The following PLCE1 variants were observed in gnomAD, a reference collection of about 807,000 sequenced individuals.
The protein encoded by PLCE1 is 1-phosphatidylinositol 4,5-bisphosphate phosphodiesterase epsilon-1.
PLCE1 carries 119 observed loss-of-function variants against 242.8 expected under a neutral mutation model. The observed-to-expected ratio is 0.49, with a 90% CI of 0.42 to 0.57. The LOEUF (loss-of-function observed/expected upper bound fraction) is 0.57. Among genes scored for constraint, PLCE1 ranks in the 20% least tolerant of loss-of-function variants. The pLI, the probability that PLCE1 is intolerant of heterozygous loss-of-function variation, is 0.00. For synonymous variants in PLCE1, 945 were observed against 1,017.4 expected (o/e 0.93, Z 1.35); for missense variants, 2,441 against 2,788.8 (o/e 0.88, Z 2.81).
chr10:93,997,632 CTTTTTTTTTTTTTTT>C (rs34338995), intron 1 of PLCE1, among the ~76,000 whole-genome samples: 111 of 79,882 alleles, frequency 1.4e-3, no homozygotes, highest in Middle Eastern at 0.011. Context: ...AATAACCATC[CTTTTTTTTTTTTTTT>C]TTTTTTTTTT....
At position 94,031,631 on chromosome 10, in the gene PLCE1, A is replaced by C; in HGVS notation, c.585A>C (p.Arg195Ser). ...AVFHFHYEVD[R>S]RMSDTFCTLS... ...TTCATTTTCATTATGAAGTTGACAG[A>C]AGAATGTCAGACACTTTCTGTACCC... Residue 195 changes from arginine to serine, a missense_variant, in exon 2 of 33, where the codon AGA becomes AGC. By Grantham distance (110) the Arg-to-Ser change is moderately radical. Transcript: ENST00000371380. 6.2e-7 allele frequency: 1 copy of C among 1,613,730 alleles called. No homozygotes were observed. Among genetic ancestry groups the C allele is most frequent in the Non-Finnish European group, 8.5e-7 (1 of 1,179,844 alleles).
At chr10:94,180,513 G>C (rs1406286294) in intron 4 of PLCE1, among the ~76,000 whole-genome samples, 1 of 152,134 alleles carries the variant, frequency 6.6e-6, no homozygotes, top group African/African-American at 2.4e-5. Flanking sequence ...AAATGCCTGA[G>C]AAAGATTGCC....
chr10:94,005,815 C>T (rs1339908649), intron 1 of PLCE1, among the ~76,000 whole-genome samples: 2 of 152,218 alleles, frequency 1.3e-5, no homozygotes, highest in South Asian at 2.1e-4. Context: ...GCCTCACCTT[C>T]CCAGTCATGA....
intron 2 of PLCE1, among the ~76,000 whole-genome samples, chr10:94,126,422 T>A (rs958187732): frequency 2.0e-5 from 3 of 152,240 alleles, no homozygotes; most frequent in Admixed American, 6.5e-5. Context: ...TAGCCTACAA[T>A]TTTTTACTAA....
At chr10:94,034,182 C>T (rs115645427) in intron 2 of PLCE1, among the ~76,000 whole-genome samples, 2,235 of 152,172 alleles carry the variant, frequency 0.015, 54 homozygotes, top group African/African-American at 0.04. Flanking sequence ...TAGGGGAAAC[C>T]GCCCCCATGA....
chr10:94,155,584 G>T (rs984306174), intron 3 of PLCE1: 3 of 151,874 alleles, frequency 2.0e-5, no homozygotes, highest in Non-Finnish European at 4.4e-5. Context: ...ACACAACTCT[G>T]TGAATATACT....
chr10:94,184,866 T>G (rs1453435185), intron 4 of PLCE1, among the ~76,000 whole-genome samples: 1 of 152,156 alleles, frequency 6.6e-6, no homozygotes, highest in Non-Finnish European at 1.5e-5. Context: ...TTCTATCTCC[T>G]TAGGCTAGAA....
At chr10:94,141,498 GA>G (rs1348427903) in intron 3 of PLCE1, among the ~76,000 whole-genome samples, 21 of 149,014 alleles carry the variant, frequency 1.4e-4, no homozygotes, top group African/African-American at 5.2e-4. Context: ...AAGGTGAAGG[GA>G]AGGCGAAGGG....
Position 94,268,911 on chromosome 10 carries a change from C to A in PLCE1, c.4282-18C>A. The A allele has an allele frequency of 6.7e-7, 1 of 1,485,672 alleles. No homozygotes were observed. Among genetic ancestry groups the A allele is most frequent in the Non-Finnish European group, 9.4e-7 (1 of 1,063,346 alleles). 92.0% of individuals were successfully genotyped at this position (1,485,672 alleles called of 1,614,324 possible). On this transcript the variant is annotated intron_variant, in intron 16 of 32. Coordinates refer to ENST00000371380, the MANE Select transcript of PLCE1 (RefSeq NM_016341.4). The stretch of plus-strand genomic sequence containing the variant: ...TCCAGGTGCTCACCTGGGGTGGATT[C>A]GCTCATTGATCACACAGGTCCTTTT...
At chr10:94,138,535 A>G in intron 3 of PLCE1, 1 of 479,818 alleles carries the variant, frequency 2.1e-6, no homozygotes, top group Non-Finnish European at 4.2e-6. Context: ...CTGTGGTCAT[A>G]CAGTGTGACT....
chr10:94,325,345 TC>T, intron 32 of PLCE1: 1 of 408,614 alleles, frequency 2.4e-6, no homozygotes, highest in Non-Finnish European at 4.6e-6. Flanking sequence ...ATGCCTGTAA[TC>T]CCAGCACTTT....
rs1226106121 is a variant in PLCE1 at position 94,254,818 on chromosome 10, T to C, written c.3398-75T>C. On this transcript the variant is annotated intron_variant, in intron 10 of 32. Transcript: ENST00000371380. ...TGATTTGCTCAGACATCCAGAAGCC[T>C]CTCTGGTTTGTATTTGGTTCTGAGG... 11 of 1,525,598 alleles carry C rather than the reference T, an allele frequency of 7.2e-6. No homozygotes were observed. The East Asian group carries it at 2.0e-4, about 28-fold the overall frequency. The allele number at this position is 1,525,598 out of a possible 1,614,324, so 94.5% of individuals were successfully genotyped here. A position where few individuals can be genotyped will look rare whatever the true frequency, so the allele number is the denominator to read the frequency against.
At chr10:94,036,886 C>T (rs968759118) in intron 2 of PLCE1, among the ~76,000 whole-genome samples, 13 of 152,042 alleles carry the variant, frequency 8.6e-5, no homozygotes, top group African/African-American at 2.7e-4. Flanking sequence ...TCCACTGGCT[C>T]CTGTATTATC....
chr10:94,314,083 TG>T (rs1308003938), intron 28 of PLCE1, among the ~76,000 whole-genome samples: 4 of 152,162 alleles, frequency 2.6e-5, no homozygotes, highest in African/African-American at 9.7e-5. Flanking sequence ...GAAGGATCTT[TG>T]TGGCCTTCTG....
chr10:94,115,845 C>T (rs2046109369), intron 2 of PLCE1, among the ~76,000 whole-genome samples: 1 of 152,206 alleles, frequency 6.6e-6, no homozygotes, highest in African/African-American at 2.4e-5. Context: ...GGAGCACCAG[C>T]TGCCTGAACC....
chr10:94,008,663 CA>C (rs929261476), intron 1 of PLCE1, among the ~76,000 whole-genome samples: 37 of 152,168 alleles, frequency 2.4e-4, no homozygotes, highest in African/African-American at 8.2e-4. Flanking sequence ...GCCTTGTTTC[CA>C]ACTTTTACAT....
At chr10:94,075,696 A>G (rs1054057288) in intron 2 of PLCE1, among the ~76,000 whole-genome samples, 2 of 152,238 alleles carry the variant, frequency 1.3e-5, no homozygotes, top group Non-Finnish European at 2.9e-5. Context: ...CACTTCTGTT[A>G]TGACAACAGA....
intron 7 of PLCE1, 39 bp downstream of exon 7, chr10:94,236,159 T>C: frequency 6.4e-7 from 1 of 1,552,504 alleles, no homozygotes; most frequent in South Asian, 1.1e-5. Context: ...TGCTCATCTC[T>C]TCTTTTTTCC....
rs115907410 is a variant in PLCE1 at position 94,313,489 on chromosome 10, G to A, written c.6132+107G>A. 1.6e-3 allele frequency: 1,996 copies of A among 1,276,000 alleles called. 18 individuals carry two copies. The African/African-American group carries it at 0.024, about 16-fold the overall frequency. The allele number at this position is 1,276,000 out of a possible 1,614,324, so 79.0% of individuals were successfully genotyped here. On this transcript the variant is annotated intron_variant, in intron 28 of 32. Transcript: ENST00000371380. ...AACATACACAGATGCACATGAATGC[G>A]CAAAAGTCCATGTGGATGATATGCC...
Sources: gnomAD v4.1 joint callset for allele counts (sites outside exome capture counted in the v4.1 genomes callset) on GRCh38, gnomAD v4.1.1 for gene constraint, MANE v1.5 for transcripts, NCBI Gene and HGNC (gene_info 2026-07-23, HGNC 2026-07-21) for gene names.